The following PHLDB2 variants were observed in gnomAD, a reference collection of about 807,000 sequenced individuals.
PHLDB2 encodes pleckstrin homology-like domain family B member 2.
In PHLDB2, 71 loss-of-function variants were observed where a neutral mutation model predicts 123.6. The ratio of observed to expected loss-of-function variants is 0.57; its 90% CI spans 0.47 to 0.70. The LOEUF is 0.70. Among genes scored for constraint, PHLDB2 ranks in the 30% least tolerant of loss-of-function variants. PHLDB2 has a pLI of 0.00. For synonymous variants in PHLDB2, 547 were observed against 541.6 expected, an observed-to-expected ratio of 1.01 and a Z score of -0.14; for missense variants, 1,446 against 1,519.5, an observed-to-expected ratio of 0.95 and a Z score of 0.80.
At chr3:111,919,337 C>T in intron 4 of PHLDB2, 122 bp downstream of exon 4, 1 of 1,002,314 alleles carries the variant, frequency 1.0e-6, no homozygotes, top group South Asian at 1.5e-5. Flanking sequence ...AACATTTATT[C>T]AGTGGGTTCC....
At chr3:111,939,672 T>C (rs746719968) in intron 7 of PHLDB2, 42 bp downstream of exon 7, 2 of 1,562,708 alleles carry the variant, frequency 1.3e-6, no homozygotes, top group South Asian at 1.2e-5. Context: ...AATCAAAATA[T>C]ATTTCTGCTT....
chr3:111,960,578 A>G (rs536491811), intron 12 of PHLDB2, among the ~76,000 whole-genome samples: 3 of 152,348 alleles, frequency 2.0e-5, no homozygotes, highest in South Asian at 4.1e-4. Flanking sequence ...TGTGGCTTCT[A>G]TTTTTAAATG....
intron 1 of PHLDB2, among the ~76,000 whole-genome samples, chr3:111,834,527 A>G (rs2063312212): frequency 6.6e-6 from 1 of 151,564 alleles, no homozygotes; most frequent in South Asian, 2.1e-4. Flanking sequence ...CTACTTAACC[A>G]TGACCTTACT....
chr3:111,801,101 A>G (rs1190943875), intron 1 of PHLDB2, among the ~76,000 whole-genome samples: 4 of 152,232 alleles, frequency 2.6e-5, no homozygotes, highest in Non-Finnish European at 5.9e-5. Context: ...TCAATGGCCA[A>G]TACAGAGTAG....
chr3:111,798,737 A>G (rs562222682), intron 1 of PHLDB2, among the ~76,000 whole-genome samples: 46 of 134,112 alleles, frequency 3.4e-4, no homozygotes, highest in African/African-American at 1.2e-3. Flanking sequence ...AATCTGAACA[A>G]TTCTAGGATC....
chr3:111,896,968 C>T (rs1291065293), intron 2 of PHLDB2, among the ~76,000 whole-genome samples: 1 of 152,144 alleles, frequency 6.6e-6, no homozygotes, highest in Non-Finnish European at 1.5e-5. Context: ...CCAGTTTCCT[C>T]CAATGGTAAC....
intron 1 of PHLDB2, among the ~76,000 whole-genome samples, chr3:111,753,657 G>T (rs2059826266): frequency 6.6e-6 from 1 of 152,184 alleles, no homozygotes; most frequent in South Asian, 2.1e-4. Flanking sequence ...AGTTTAATTA[G>T]ATCCCATTTG....
At chr3:111,959,570 T>C (rs2071267373) in intron 12 of PHLDB2, among the ~76,000 whole-genome samples, 1 of 152,226 alleles carries the variant, frequency 6.6e-6, no homozygotes, top group Non-Finnish European at 1.5e-5. Flanking sequence ...AACTTGTGAG[T>C]TGGTCTGGGG....
intron 1 of PHLDB2, among the ~76,000 whole-genome samples, chr3:111,883,326 T>C (rs1158886649): frequency 6.6e-6 from 1 of 151,972 alleles, no homozygotes; most frequent in Non-Finnish European, 1.5e-5. Context: ...TCCTGATAGT[T>C]GTTTCTGCTA....
intron 2 of PHLDB2, among the ~76,000 whole-genome samples, chr3:111,905,304 G>T (rs1266723269): frequency 2.0e-5 from 3 of 152,042 alleles, no homozygotes; most frequent in East Asian, 3.9e-4. Context: ...TTCAGTTGGG[G>T]TCTGATGTAA....
intron 1 of PHLDB2, among the ~76,000 whole-genome samples, chr3:111,751,168 GGTGTGTGTGT>G (rs35962012): frequency 0.18 from 26,625 of 144,040 alleles, 2,463 homozygotes; most frequent in African/African-American, 0.21. Flanking sequence ...GAGACAATGG[GGTGTGTGTGT>G]GTGTGTGTGT....
chr3:111,836,597 C>A (rs1247177195), intron 1 of PHLDB2, among the ~76,000 whole-genome samples: 1 of 152,064 alleles, frequency 6.6e-6, no homozygotes, highest in Admixed American at 6.6e-5. Flanking sequence ...CGTATTAGTC[C>A]ATTTTCACAT....
intron 10 of PHLDB2, chr3:111,950,019 T>A: frequency 1.8e-6 from 1 of 566,852 alleles, no homozygotes; most frequent in East Asian, 1.5e-4. Flanking sequence ...TCTGATTTTT[T>A]TTTTCCTCTT....
chr3:111,850,127 C>T (rs939387834), intron 2 of PHLDB2, among the ~76,000 whole-genome samples: 1 of 151,534 alleles, frequency 6.6e-6, no homozygotes, highest in African/African-American at 2.4e-5. Flanking sequence ...TCCCCAAGTG[C>T]TAGGATTACA....
chr3:111,751,252 T>G (rs1332940807), intron 1 of PHLDB2, among the ~76,000 whole-genome samples: 1 of 151,666 alleles, frequency 6.6e-6, no homozygotes, highest in Non-Finnish European at 1.5e-5. Context: ...GAGGAAGATT[T>G]GCGCAGGAGC....
At chr3:111,926,627 G>A (rs559461221) in intron 5 of PHLDB2, among the ~76,000 whole-genome samples, 1 of 150,426 alleles carries the variant, frequency 6.6e-6, no homozygotes, top group East Asian at 2.0e-4. Context: ...CATCAATTGT[G>A]TAATTAAAAT....
At chr3:111,971,193 A>G (rs2107691660) in intron 16 of PHLDB2, among the ~76,000 whole-genome samples, 1 of 152,386 alleles carries the variant, frequency 6.6e-6, no homozygotes, top group Non-Finnish European at 1.5e-5. Context: ...ACAAAACTGT[A>G]TGATGTGGTA....
chr3:111,954,991 A>G (rs965427502), intron 12 of PHLDB2, among the ~76,000 whole-genome samples: 3 of 152,076 alleles, frequency 2.0e-5, no homozygotes, highest in African/African-American at 7.2e-5. Flanking sequence ...CCTCTCTGCC[A>G]ATGGTACTGA....
intron 1 of PHLDB2, among the ~76,000 whole-genome samples, chr3:111,757,381 C>T (rs917471484): frequency 1.3e-5 from 2 of 152,134 alleles, no homozygotes; most frequent in Non-Finnish European, 2.9e-5. Flanking sequence ...CTTCCCTTCT[C>T]GCTTCATTTC....
Sources: allele counts gnomAD v4.1 joint callset (sites outside exome capture counted in the v4.1 genomes callset), GRCh38; gene constraint gnomAD v4.1.1; transcripts MANE v1.5; gene names NCBI Gene and HGNC (gene_info 2026-07-23, HGNC 2026-07-21).